The following MARS1 variants were observed in gnomAD, a reference collection of about 807,000 sequenced individuals.
MARS1 encodes methionine--tRNA ligase, cytoplasmic.
A neutral mutation model predicts 119.5 loss-of-function variants in MARS1; 80 were observed. That is an observed-to-expected ratio of 0.67 (90% CI 0.56 to 0.81). The LOEUF (loss-of-function observed/expected upper bound fraction) is 0.81. Among genes scored for constraint, MARS1 ranks in the 30% least tolerant of loss-of-function variants. The pLI is 0.00. For missense variants in MARS1, 945 were observed against 1,116.5 expected (o/e 0.85, Z 2.19); for synonymous variants, 418 against 433.4 (o/e 0.96, Z 0.44).
chr12:57,490,412 G>A (rs934791590), intron 6 of MARS1, 33 bp downstream of exon 6: 1 of 1,610,964 alleles, frequency 6.2e-7, no homozygotes, highest in African/African-American at 1.3e-5. Flanking sequence ...GGGGCCTGAG[G>A]TGGGAGGTGG....
Position 57,504,265 on chromosome 12 carries a change from A to C in MARS1, c.1334A>C (p.Gln445Pro), listed in dbSNP as rs747060601. ...GTCTGCCGATCATGCCCTGTGGTGC[A>C]GTCGAGCCAGCACCTGTTTCTGGAC... ...CKVCRSCPVVQSSQHLFLDLP... is the reference protein window; with the variant it reads ...CKVCRSCPVVPSSQHLFLDLP... The change falls in exon 11 of 21, where the codon CAG becomes CCG. Residue 445 changes from glutamine to proline, a missense_variant. Transcript: ENST00000262027. The C allele has an allele frequency of 1.2e-6, 2 of 1,614,194 alleles. No homozygotes were observed. The highest frequency in any genetic ancestry group is 1.7e-6 in the Non-Finnish European group (2 of 1,180,016).
chr12:57,509,805 A>C (rs1045382532), intron 11 of MARS1, among the ~76,000 whole-genome samples: 41 of 152,170 alleles, frequency 2.7e-4, no homozygotes, highest in South Asian at 2.1e-4. Context: ...TCATGTCTCT[A>C]TCTACCTTCT....
chr12:57,497,762 G>A (rs1375384068), intron 7 of MARS1, among the ~76,000 whole-genome samples: 2 of 152,170 alleles, frequency 1.3e-5, no homozygotes, highest in African/African-American at 4.8e-5. Context: ...ATAGCACCTG[G>A]AAAGAAGGGG....
rs1053300007 is a variant in MARS1, at chr12:57,503,819, C to T, written c.1294-406C>T. The stretch of plus-strand genomic sequence containing the variant: ...CCTCCCAAAATGCTGGAATTACAGG[C>T]GTGAGCCACCGCGCCCGGCCCACAC... On this transcript the variant is annotated intron_variant, in intron 10 of 20. Coordinates refer to ENST00000262027, the MANE Select transcript of MARS1 (RefSeq NM_004990.4). 2.5e-4 allele frequency among the ~76,000 whole-genome samples: 38 copies of T among 152,140 alleles called. 1 individual carries two copies. Among genetic ancestry groups the T allele is most frequent in the Admixed American group, 8.5e-4 (13 of 15,270 alleles).
At position 57,498,209 on chromosome 12, in the gene MARS1, G is replaced by A. The variant is rs1017657436; in HGVS notation, c.823G>A (p.Val275Ile). Residue 275 changes from valine to isoleucine, a missense_variant, in exon 8 of 21, where the codon GTC (valine) becomes ATC (isoleucine). Coordinates refer to ENST00000262027, the MANE Select transcript of MARS1 (RefSeq NM_004990.4). ...NVLITSALPY[V>I]NNVPHLGNII... The stretch of plus-strand genomic sequence containing the variant: ...GCTCATCACCAGTGCCCTCCCTTAC[G>A]TCAACAATGTCCCCCACCTTGGGAA... 15 of 1,613,994 alleles carry A rather than the reference G, an allele frequency of 9.3e-6. No individual in the cohort carries two copies. In the African/African-American group the frequency reaches 1.3e-4, roughly 14 times the overall value.
rs1876872883 is a variant in MARS1, at chr12:57,500,532, G to C, written c.1293+10G>C. On this transcript the variant is annotated intron_variant, in intron 10 of 20. Coordinates refer to ENST00000262027, the MANE Select transcript of MARS1 (RefSeq NM_004990.4). The stretch of plus-strand genomic sequence containing the variant: ...TGCTGTCGAGCTTAAGGTAAGAGGA[G>C]GGTCTCCATGGGAGCCCGGAAGGAG... 6.2e-7 allele frequency: 1 copy of C among 1,613,136 alleles called. No homozygotes were observed. The highest frequency in any genetic ancestry group is 1.1e-5 in the South Asian group (1 of 91,004).
intron 15 of MARS1, among the ~76,000 whole-genome samples, chr12:57,513,614 CAAAAA>C (rs34526594): frequency 4.0e-5 from 3 of 74,402 alleles, no homozygotes; most frequent in Admixed American, 1.6e-4. Context: ...GATCCTGTCT[CAAAAA>C]AAAAAAAAAA....
At chr12:57,498,773 T>A in intron 9 of MARS1, 150 bp downstream of exon 9, 1 of 726,736 alleles carries the variant, frequency 1.4e-6, no homozygotes, top group Non-Finnish European at 2.4e-6. Flanking sequence ...ATCCAGGCAT[T>A]TTTGAGGGAA....
chr12:57,512,911 G>A lies in MARS1; in HGVS notation c.1914G>A (p.Leu638=), dbSNP rs367626488. 47 of 1,614,104 alleles carry A rather than the reference G, an allele frequency of 2.9e-5. No homozygotes were observed. Among genetic ancestry groups the A allele is most frequent in the Non-Finnish European group, 4.0e-5 (47 of 1,180,046 alleles). ...ACAGTGCTTTCTCCTGGACGGACCT[G>A]CTGCTGAAGAATAATTCTGAGCTGC... The part of the protein sequence containing the change: ...GQDSAFSWTD[L]LLKNNSELLN... The change falls in exon 15 of 21, where the codon CTG becomes CTA. Residue 638 remains leucine (L), a synonymous_variant. Transcript: ENST00000262027.
chr12:57,493,773 TAA>T lies in MARS1; in HGVS notation c.770+3130_770+3131del, dbSNP rs1391122987. On this transcript the variant is annotated intron_variant, in intron 7 of 20. Transcript: ENST00000262027. ...TACATTATATTATATATATTATATA[TAA>T]TATATATTATATATTATATATTATA... Among the ~76,000 whole-genome samples, 8 of 3,082 alleles carry T rather than the reference TAA, an allele frequency of 2.6e-3. 2 individuals are homozygous for T. The highest frequency in any genetic ancestry group is 0.016 in the South Asian group (1 of 62). The allele number at this position is 3,082 out of a possible 152,430, so 2.0% of individuals were successfully genotyped here. A position where few individuals can be genotyped will look rare whatever the true frequency, so the allele number is the denominator to read the frequency against.
intron 10 of MARS1, among the ~76,000 whole-genome samples, chr12:57,501,948 T>C (rs1277375474): frequency 1.3e-5 from 2 of 151,758 alleles, no homozygotes; most frequent in Non-Finnish European, 2.9e-5. Context: ...TGAGCCAAGA[T>C]TGCCACTGCA....
intron 7 of MARS1, among the ~76,000 whole-genome samples, chr12:57,497,729 T>C (rs996094650): frequency 6.6e-6 from 1 of 152,056 alleles, no homozygotes; most frequent in Non-Finnish European, 1.5e-5. Context: ...GGATTTCAGA[T>C]AGTGGCTAGA....
intron 7 of MARS1, among the ~76,000 whole-genome samples, chr12:57,494,714 C>T (rs1267387163): frequency 3.9e-5 from 6 of 151,920 alleles, no homozygotes; most frequent in African/African-American, 7.2e-5. Flanking sequence ...TGACTCTTAA[C>T]GAGCATGCTG....
chr12:57,514,962 A>T lies in MARS1; in HGVS notation c.2108A>T (p.Asp703Val), dbSNP rs1168475206. The T allele has an allele frequency of 2.5e-6, 4 of 1,614,104 alleles. No homozygotes were observed. The highest frequency in any genetic ancestry group is 1.3e-5 in the African/African-American group (1 of 74,996). The change falls in exon 17 of 21, where the codon GAT (aspartate) becomes GTT (valine). Residue 703 changes from aspartate (D) to valine (V), a missense_variant. Transcript: ENST00000262027. ...GCTTCCTCCCTTCCCAGGATCCGGGATGCCTTGCGCAGTATCCTCACCATA... is the reference window on the plus strand; with the variant it reads ...GCTTCCTCCCTTCCCAGGATCCGGGTTGCCTTGCGCAGTATCCTCACCATA... Reference protein sequence around the residue: ...HQLLEKVRIRDALRSILTISR... With the variant: ...HQLLEKVRIRVALRSILTISR...
intron 1 of MARS1, 38 bp from the exon 2 acceptor site, chr12:57,488,981 C>CT (rs553599538): frequency 0.028 from 32,111 of 1,159,696 alleles, 2 homozygotes; most frequent in Non-Finnish European, 0.032. Flanking sequence ...TTTTCTTTTC[C>CT]TTTTTTTTTT....
In MARS1 at chr12:57,516,003, A is replaced by G. The variant is rs759883625; in HGVS notation, c.2463+12A>G. 12 of 1,613,748 alleles carry G rather than the reference A, an allele frequency of 7.4e-6. No individual in the cohort carries two copies. The highest frequency in any genetic ancestry group is 3.3e-5 in the South Asian group (3 of 91,082). On this transcript the variant is annotated intron_variant, in intron 19 of 20. Transcript: ENST00000262027. ...TTGGAGGGGGCCAGGTGAGAAAGCT[A>G]AAGGCTGTGCCCTCGCTCCACAACA... is the stretch of plus-strand genomic sequence containing the variant.
intron 7 of MARS1, 63 bp from the exon 8 acceptor site, chr12:57,498,094 C>A: frequency 9.6e-7 from 1 of 1,039,014 alleles, no homozygotes; most frequent in Non-Finnish European, 1.5e-6. Context: ...GTTCTGTGCA[C>A]TTTTCGTCCC....
Position 57,512,974 on chromosome 12 carries a change from G to T in MARS1, c.1967+10G>T. 1 of 1,613,164 alleles carries T rather than the reference G, an allele frequency of 6.2e-7. No homozygotes were observed. Among genetic ancestry groups the T allele is most frequent in the South Asian group, 1.1e-5 (1 of 91,028 alleles). ...GCAACTTCATCAACAGGTAGGACTT[G>T]GTAAGGGGTCAGAGTTAGCAGTGAG... is the stretch of plus-strand genomic sequence containing the variant. On this transcript the variant is annotated intron_variant, in intron 15 of 20. Coordinates refer to ENST00000262027, the MANE Select transcript of MARS1 (RefSeq NM_004990.4).
intron 14 of MARS1, 123 bp downstream of exon 14, chr12:57,512,476 T>C: frequency 2.6e-6 from 2 of 758,672 alleles, no homozygotes; most frequent in Non-Finnish European, 4.4e-6. Context: ...TAGGAAATAA[T>C]TAAAATGAGA....
Sources: allele counts gnomAD v4.1 joint callset (sites outside exome capture counted in the v4.1 genomes callset), GRCh38; gene constraint gnomAD v4.1.1; transcripts MANE v1.5; gene names NCBI Gene and HGNC (gene_info 2026-07-23, HGNC 2026-07-21).